The following FAT3 variants were observed in gnomAD, a reference collection of about 807,000 sequenced individuals.
The protein encoded by FAT3 is FAT atypical cadherin 3, also known as protocadherin Fat 3.
A neutral mutation model predicts 310.2 loss-of-function variants in FAT3; 95 were observed. That is an observed-to-expected ratio of 0.31 (90% CI 0.26 to 0.36). The LOEUF (loss-of-function observed/expected upper bound fraction) is 0.36. FAT3 is among the 10% of genes least tolerant of loss of function. FAT3 has a pLI of 1.00. For synonymous variants in FAT3, 2,314 were observed against 2,192.9 expected, an observed-to-expected ratio of 1.06 and a Z score of -1.54; for missense variants, 5,408 against 5,715.6, an observed-to-expected ratio of 0.95 and a Z score of 1.74.
chr11:92,375,128 A>G (rs761438814), intron 2 of FAT3, among the ~76,000 whole-genome samples: 48 of 151,986 alleles, frequency 3.2e-4, no homozygotes, highest in Non-Finnish European at 5.3e-4. Context: ...TTATTATATA[A>G]TTGGATTTTT....
chr11:92,890,373 C>T (rs1002423197), intron 27 of FAT3, 118 bp from the exon 28 acceptor site: 4 of 1,244,756 alleles, frequency 3.2e-6, no homozygotes, highest in Non-Finnish European at 4.4e-6. Flanking sequence ...TTGTAATAAG[C>T]TTCTTAGGGT....
intron 3 of FAT3, among the ~76,000 whole-genome samples, chr11:92,536,899 A>G (rs1428558665): frequency 6.6e-6 from 1 of 152,174 alleles, no homozygotes; most frequent in East Asian, 1.9e-4. Context: ...CACCTTGGAA[A>G]GTTCACTGGT....
Position 92,801,709 on chromosome 11 carries a change from G to T in FAT3, c.8696G>T (p.Gly2899Val), listed in dbSNP as rs1243235866. 5.6e-6 allele frequency: 9 copies of T among 1,613,774 alleles called. No homozygotes were observed. The highest frequency in any genetic ancestry group is 7.6e-6 in the Non-Finnish European group (9 of 1,179,860). ...TTCTCTGTGGTGGCCTCTGACCTTG[G>T]AGAGGCATTCTCTCTTTCCTCCACG... is the stretch of plus-strand genomic sequence containing the variant. ...FTFSVVASDL[G>V]EAFSLSSTAL... The change falls in exon 10 of 28, where the codon GGA becomes GTA. Residue 2899 changes from glycine (G) to valine (V), a missense_variant. By Grantham distance (109) the Gly-to-Val change is moderately radical. This residue lies in a region of FAT3 where 4,588 missense variants were observed against 4,809.8 expected (regional missense o/e 0.95). Coordinates refer to ENST00000525166, the MANE Select transcript of FAT3 (RefSeq NM_001367949.2).
chr11:92,698,890 G>A (rs1944016218), intron 4 of FAT3, among the ~76,000 whole-genome samples: 1 of 152,200 alleles, frequency 6.6e-6, no homozygotes, highest in Admixed American at 6.5e-5. Context: ...GAAGGAAGCA[G>A]GAAGGGTGTC....
At chr11:92,388,286 C>T (rs1434618058) in intron 2 of FAT3, among the ~76,000 whole-genome samples, 1 of 152,084 alleles carries the variant, frequency 6.6e-6, no homozygotes, top group Non-Finnish European at 1.5e-5. Context: ...TCTCCTTTCC[C>T]TCACTCCCTT....
intron 3 of FAT3, among the ~76,000 whole-genome samples, chr11:92,562,596 A>T (rs1218490904): frequency 2.0e-5 from 3 of 152,284 alleles, no homozygotes; most frequent in African/African-American, 7.2e-5. Context: ...AAGTCCCATG[A>T]TATGCTATCT....
intron 1 of FAT3, among the ~76,000 whole-genome samples, chr11:92,240,939 C>T (rs915234213): frequency 1.3e-5 from 2 of 151,918 alleles, no homozygotes; most frequent in African/African-American, 2.4e-5. Flanking sequence ...CCCCCATGCC[C>T]CCCTTCCTGC....
intron 2 of FAT3, among the ~76,000 whole-genome samples, chr11:92,360,312 C>G (rs995862366): frequency 4.6e-5 from 7 of 152,180 alleles, no homozygotes; most frequent in Non-Finnish European, 5.9e-5. Context: ...TCAAACCATA[C>G]CTTTGAAATT....
At position 92,369,740 on chromosome 11, in the gene FAT3, G is replaced by A. The variant is rs555200717; in HGVS notation, c.3292+14336G>A. Among the ~76,000 whole-genome samples, 28 of 152,118 alleles carry A rather than the reference G, an allele frequency of 1.8e-4. No homozygotes were observed. In the East Asian group the frequency reaches 3.1e-3, roughly 17 times the overall value. Reference sequence around the variant, plus strand: ...CACACGCCTGTAGTCCCAGCTACTCGGGAGGCTGAGGCAGGAGAATCGCTT... The same window carrying A: ...CACACGCCTGTAGTCCCAGCTACTCAGGAGGCTGAGGCAGGAGAATCGCTT... On this transcript the variant is annotated intron_variant, in intron 2 of 27. Coordinates refer to ENST00000525166, the MANE Select transcript of FAT3 (RefSeq NM_001367949.2).
At position 92,515,421 on chromosome 11, in the gene FAT3, T is replaced by G. The variant is rs1046554675; in HGVS notation, c.3293-9213T>G. 2.6e-5 allele frequency among the ~76,000 whole-genome samples: 4 copies of G among 152,086 alleles called. No individual in the cohort carries two copies. In the East Asian group the frequency reaches 7.7e-4, roughly 29 times the overall value. ...ATTTCTACATTCGGTATGGAAAACA[T>G]GAGTAAGAAAGTAAAATATTAATTA... On this transcript the variant is annotated intron_variant, in intron 2 of 27. Coordinates refer to ENST00000525166, the MANE Select transcript of FAT3 (RefSeq NM_001367949.2).
At chr11:92,402,007 C>A (rs1415873504) in intron 2 of FAT3, among the ~76,000 whole-genome samples, 2 of 152,154 alleles carry the variant, frequency 1.3e-5, no homozygotes, top group Non-Finnish European at 2.9e-5. Flanking sequence ...AGCTTCAGAA[C>A]CATACTCAGA....
At chr11:92,560,108 T>A (rs1356995026) in intron 3 of FAT3, among the ~76,000 whole-genome samples, 1 of 152,168 alleles carries the variant, frequency 6.6e-6, no homozygotes, top group African/African-American at 2.4e-5. Flanking sequence ...TTCCACACAC[T>A]CCTTAAAACT....
chr11:92,462,820 TA>T (rs1225439896), intron 2 of FAT3, among the ~76,000 whole-genome samples: 1 of 152,216 alleles, frequency 6.6e-6, no homozygotes, highest in Admixed American at 6.5e-5. Flanking sequence ...AAGAGGTTAA[TA>T]AAAAAGTGTT....
At chr11:92,812,328 A>G (rs1002196903) in intron 13 of FAT3, among the ~76,000 whole-genome samples, 3 of 152,306 alleles carry the variant, frequency 2.0e-5, no homozygotes, top group Middle Eastern at 3.4e-3. Context: ...TTTGGCCTCT[A>G]TAGTGTTCAA....
chr11:92,418,428 A>ACCCCCC (rs370658531), intron 2 of FAT3, among the ~76,000 whole-genome samples: 1 of 62,330 alleles, frequency 1.6e-5, no homozygotes, highest in Non-Finnish European at 2.8e-5. Context: ...CACCCCCCCC[A>ACCCCCC]CCCCCCCACA....
At chr11:92,479,092 C>T (rs527754925) in intron 2 of FAT3, among the ~76,000 whole-genome samples, 50 of 151,372 alleles carry the variant, frequency 3.3e-4, no homozygotes, top group Middle Eastern at 3.4e-3. Flanking sequence ...ACCTCTGCCT[C>T]CCAGGCTCAA....
At chr11:92,655,666 G>A (rs907021359) in intron 3 of FAT3, among the ~76,000 whole-genome samples, 1 of 152,108 alleles carries the variant, frequency 6.6e-6, no homozygotes, top group Non-Finnish European at 1.5e-5. Flanking sequence ...CCAGCTAGAA[G>A]TGCCCTCTTC....
intron 2 of FAT3, among the ~76,000 whole-genome samples, chr11:92,473,151 G>A (rs998382751): frequency 2.0e-5 from 3 of 152,036 alleles, no homozygotes; most frequent in African/African-American, 7.3e-5. Context: ...TGTGACTCTG[G>A]GTTCACGTAT....
At chr11:92,592,702 A>C (rs1422128861) in intron 3 of FAT3, among the ~76,000 whole-genome samples, 2 of 152,132 alleles carry the variant, frequency 1.3e-5, no homozygotes, top group East Asian at 3.9e-4. Context: ...TACATTTATA[A>C]GATAACTGAA....
Sources: gnomAD v4.1 joint callset for allele counts (sites outside exome capture counted in the v4.1 genomes callset) on GRCh38, gnomAD v4.1.1 for gene constraint, gnomAD v4.1.1 regional missense constraint, MANE v1.5 for transcripts, NCBI Gene and HGNC (gene_info 2026-07-23, HGNC 2026-07-21) for gene names.